The following WDR59 variants were observed in gnomAD, a reference collection of about 807,000 sequenced individuals.
WDR59 encodes the protein GATOR2 complex protein WDR59.
A neutral mutation model predicts 131.2 loss-of-function variants in WDR59; 100 were observed. That is an observed-to-expected ratio of 0.76 (90% CI 0.65 to 0.90). The LOEUF is 0.90. Ranked by LOEUF, WDR59 falls within the 40% of genes least tolerant of loss-of-function variation. The pLI is 0.00. For missense variants in WDR59, 1,203 were observed against 1,262.2 expected (o/e 0.95, Z 0.71); for synonymous variants, 601 against 466.2 (o/e 1.29, Z -3.72).
intron 2 of WDR59, 25 bp from the exon 3 acceptor site, chr16:74,956,635 A>G: frequency 6.2e-7 from 1 of 1,609,348 alleles, no homozygotes; most frequent in Non-Finnish European, 8.5e-7. Context: ...CAACATTATA[A>G]TAGTATAAAA....
At chr16:74,914,398 T>C (rs1966258489) in intron 13 of WDR59, among the ~76,000 whole-genome samples, 1 of 152,190 alleles carries the variant, frequency 6.6e-6, no homozygotes, top group African/African-American at 2.4e-5. Context: ...GAATCCTTTA[T>C]ATCTTTTCAT....
At chr16:74,882,976 C>T (rs924548929) in intron 25 of WDR59, among the ~76,000 whole-genome samples, 1 of 149,888 alleles carries the variant, frequency 6.7e-6, no homozygotes, top group African/African-American at 2.4e-5. Flanking sequence ...TAGATGAAAT[C>T]CTTTCCATTT....
chr16:74,907,502 C>T (rs958066033), intron 17 of WDR59, among the ~76,000 whole-genome samples: 2 of 152,160 alleles, frequency 1.3e-5, no homozygotes, highest in African/African-American at 4.8e-5. Context: ...CTTCTCCTTC[C>T]AACACGATTT....
chr16:74,939,862 TGC>T (rs2032080323), intron 7 of WDR59, among the ~76,000 whole-genome samples: 2 of 152,042 alleles, frequency 1.3e-5, no homozygotes, highest in African/African-American at 4.8e-5. Context: ...ATCATAGTGG[TGC>T]ATACCTGCAG....
At chr16:74,953,600 G>C (rs2033125132) in intron 3 of WDR59, among the ~76,000 whole-genome samples, 1 of 151,992 alleles carries the variant, frequency 6.6e-6, no homozygotes, top group South Asian at 2.1e-4. Flanking sequence ...TCAACAAAAG[G>C]GAAGAAAACA....
chr16:74,957,847 C>G (rs561294755), intron 2 of WDR59, among the ~76,000 whole-genome samples: 1 of 151,932 alleles, frequency 6.6e-6, no homozygotes, highest in African/African-American at 2.4e-5. Flanking sequence ...AAATGGCATA[C>G]AAAACTCTAG....
intron 3 of WDR59, among the ~76,000 whole-genome samples, chr16:74,954,545 G>C (rs533028215): frequency 2.0e-5 from 3 of 152,208 alleles, no homozygotes; most frequent in African/African-American, 7.2e-5. Flanking sequence ...GTGCATTGCT[G>C]ATGGGAGTAT....
intron 2 of WDR59, among the ~76,000 whole-genome samples, chr16:74,958,981 C>T (rs2033440434): frequency 6.6e-6 from 1 of 152,148 alleles, no homozygotes; most frequent in Non-Finnish European, 1.5e-5. Context: ...ATCACTTGAA[C>T]CTGGGAAGCA....
intron 23 of WDR59, 71 bp downstream of exon 23, chr16:74,887,612 C>T: frequency 7.1e-7 from 1 of 1,399,564 alleles, no homozygotes; most frequent in Non-Finnish European, 1.0e-6. Context: ...TAAGCATCAA[C>T]TAAAGGTTAC....
chr16:74,876,470 T>A (rs893769577), intron 25 of WDR59, among the ~76,000 whole-genome samples: 2 of 152,234 alleles, frequency 1.3e-5, no homozygotes, highest in African/African-American at 4.8e-5. Context: ...CCTTGGTACT[T>A]GAGATAACTG....
chr16:74,912,150 G>C, intron 14 of WDR59, 48 bp downstream of exon 14: 5 of 1,612,496 alleles, frequency 3.1e-6, no homozygotes, highest in Non-Finnish European at 3.4e-6. Flanking sequence ...AATCCATCTA[G>C]ACAATGATGC....
chr16:74,981,649 T>C (rs1344689276), intron 1 of WDR59, among the ~76,000 whole-genome samples: 3 of 5,608 alleles, frequency 5.3e-4, no homozygotes, highest in South Asian at 0.014. Context: ...TATATATATA[T>C]ATATATATAT....
intron 2 of WDR59, among the ~76,000 whole-genome samples, chr16:74,964,152 G>A (rs560194899): frequency 2.9e-4 from 44 of 152,188 alleles, no homozygotes; most frequent in African/African-American, 9.4e-4. Flanking sequence ...AGAATAAGCC[G>A]GGCAGATCAC....
chr16:74,893,229 T>A (rs985250926), intron 19 of WDR59, among the ~76,000 whole-genome samples: 3 of 152,194 alleles, frequency 2.0e-5, no homozygotes, highest in Non-Finnish European at 4.4e-5. Context: ...GAGACTATCC[T>A]GGGTGGGGCT....
At chr16:74,965,561 C>T (rs1452727253) in intron 2 of WDR59, among the ~76,000 whole-genome samples, 2 of 152,172 alleles carry the variant, frequency 1.3e-5, no homozygotes, top group Non-Finnish European at 2.9e-5. Context: ...GTCACTAAAA[C>T]TTCAAAGGTG....
intron 14 of WDR59, 91 bp downstream of exon 14, chr16:74,912,107 T>C: frequency 6.5e-7 from 1 of 1,545,426 alleles, no homozygotes; most frequent in Non-Finnish European, 8.9e-7. Flanking sequence ...GACTTCCGAA[T>C]CTCATCTACT....
intron 20 of WDR59, among the ~76,000 whole-genome samples, chr16:74,890,678 C>G (rs1964995289): frequency 6.6e-6 from 1 of 152,146 alleles, no homozygotes; most frequent in Non-Finnish European, 1.5e-5. Flanking sequence ...GACACCAAAT[C>G]TGAGGAATAC....
At chr16:74,957,566 A>G (rs1319476530) in intron 2 of WDR59, among the ~76,000 whole-genome samples, 1 of 152,224 alleles carries the variant, frequency 6.6e-6, no homozygotes, top group African/African-American at 2.4e-5. Flanking sequence ...GGTTAACAAT[A>G]ACAACAAAAA....
At chr16:74,909,946 A>G (rs369756327) in intron 14 of WDR59, 29 bp from the exon 15 acceptor site, 77 of 1,539,838 alleles carry the variant, frequency 5.0e-5, no homozygotes, top group Admixed American at 1.7e-4. Flanking sequence ...ACAGTCAAGA[A>G]GAGGAACACA....
Sources: allele counts gnomAD v4.1 joint callset (sites outside exome capture counted in the v4.1 genomes callset), GRCh38; gene constraint gnomAD v4.1.1; transcripts MANE v1.5; gene names NCBI Gene and HGNC (gene_info 2026-07-23, HGNC 2026-07-21).